CABIN1: variants seen among roughly 807,000 people sequenced by gnomAD.
CABIN1 encodes the protein calcineurin binding protein 1.
In CABIN1, 133 loss-of-function variants were observed where a neutral mutation model predicts 227.7. The observed-to-expected ratio is 0.58, with a 90% CI of 0.51 to 0.67. The LOEUF (loss-of-function observed/expected upper bound fraction) is 0.67. Among genes scored for constraint, CABIN1 ranks in the 30% least tolerant of loss-of-function variants. The pLI is 0.00. For synonymous variants in CABIN1, 1,086 were observed against 1,155.1 expected (o/e 0.94, Z 1.21); for missense variants, 2,408 against 2,852.5 (o/e 0.84, Z 3.55).
intron 3 of CABIN1, 46 bp from the exon 4 acceptor site, chr22:24,038,302 A>G: frequency 1.3e-6 from 2 of 1,513,696 alleles, no homozygotes; most frequent in Non-Finnish European, 1.8e-6. Context: ...CTTAAAAAAG[A>G]CAGATCTTTA....
chr22:24,147,378 T>G, intron 29 of CABIN1, among the ~76,000 whole-genome samples: 1 of 136,728 alleles, frequency 7.3e-6, no homozygotes, highest in Non-Finnish European at 1.6e-5. Flanking sequence ...CCTGCCTCCC[T>G]CCCTCCGTTC....
At chr22:24,033,178 A>G (rs2036615595) in intron 1 of CABIN1, among the ~76,000 whole-genome samples, 1 of 152,196 alleles carries the variant, frequency 6.6e-6, no homozygotes, top group Non-Finnish European at 1.5e-5. Flanking sequence ...AACAGCTATC[A>G]GTCTAGGAAA....
intron 31 of CABIN1, 69 bp from the exon 32 acceptor site, chr22:24,166,570 G>C: frequency 6.2e-7 from 1 of 1,603,326 alleles, no homozygotes; most frequent in Non-Finnish European, 8.5e-7. Flanking sequence ...GGGCTCACCA[G>C]CCCCCAGAGG....
chr22:24,120,533 TAC>T (rs2043347671), intron 28 of CABIN1, among the ~76,000 whole-genome samples: 1 of 152,090 alleles, frequency 6.6e-6, no homozygotes, highest in African/African-American at 2.4e-5. Context: ...CTTAAAAACA[TAC>T]AGATGGCCAG....
intron 29 of CABIN1, among the ~76,000 whole-genome samples, chr22:24,138,017 A>G (rs2044523466): frequency 2.0e-5 from 3 of 152,296 alleles, no homozygotes; most frequent in East Asian, 1.9e-4. Context: ...GACTGGGGAC[A>G]TCAGCACCCT....
intron 29 of CABIN1, among the ~76,000 whole-genome samples, chr22:24,148,690 C>T (rs942992842): frequency 2.0e-5 from 3 of 152,192 alleles, no homozygotes; most frequent in South Asian, 2.1e-4. Context: ...AGTCCTTTTT[C>T]CAAAAGAAGC....
chr22:24,161,857 T>C (rs2046174408), intron 29 of CABIN1, among the ~76,000 whole-genome samples: 1 of 152,094 alleles, frequency 6.6e-6, no homozygotes, highest in Non-Finnish European at 1.5e-5. Context: ...AAGCAGGGGC[T>C]GTCCCTTGTA....
intron 34 of CABIN1, 54 bp from the exon 35 acceptor site, chr22:24,176,057 G>A: frequency 6.4e-7 from 1 of 1,572,220 alleles, no homozygotes; most frequent in Non-Finnish European, 8.7e-7. Flanking sequence ...CAGATGCGTT[G>A]GAGCCTGCGG....
intron 9 of CABIN1, 100 bp from the exon 10 acceptor site, chr22:24,056,092 T>A: frequency 9.9e-7 from 1 of 1,011,788 alleles, no homozygotes; most frequent in Non-Finnish European, 1.5e-6. Context: ...AAGAGTTTAA[T>A]GCTAGTAGAT....
In CABIN1 at chr22:24,055,128, T is replaced by C; in HGVS notation, c.1062T>C (p.Ser354=). The C allele has an allele frequency of 2.5e-6, 4 of 1,613,524 alleles. No individual in the cohort carries two copies. Among genetic ancestry groups the C allele is most frequent in the Non-Finnish European group, 3.4e-6 (4 of 1,180,040 alleles). The change falls in exon 9 of 37, where the codon AGT becomes AGC. Residue 354 remains serine, a synonymous_variant. Transcript: ENST00000263119. ...CTACAACCAGCTTCCCACTGCACAGTCCTGGTCTGTTGGAGACAGGCGCTC... is the reference window on the plus strand; with the variant it reads ...CTACAACCAGCTTCCCACTGCACAGCCCTGGTCTGTTGGAGACAGGCGCTC... ...SVATTSFPLH[S]PGLLETGAPV...
chr22:24,163,224 G>A (rs557637360), intron 29 of CABIN1, among the ~76,000 whole-genome samples: 7 of 152,296 alleles, frequency 4.6e-5, no homozygotes, highest in African/African-American at 1.7e-4. Context: ...AGGAGCCAGT[G>A]TAGAGGCCAC....
intron 1 of CABIN1, among the ~76,000 whole-genome samples, chr22:24,011,905 A>G (rs189097230): frequency 1.9e-3 from 287 of 152,356 alleles, no homozygotes; most frequent in Admixed American, 4.5e-3. Context: ...CTCACCTGGC[A>G]TTCCCAAGGT....
rs376323932 is a variant in CABIN1 at position 24,064,203 on chromosome 22, C to CGTTT, written c.2037+29_2037+32dup. ...CCTGGAGGAGGTAAGTGAGAATTTT[C>CGTTT]GTTTGTTTGTTTGTTTCCTGAGATG... is the stretch of plus-strand genomic sequence containing the variant. On this transcript the variant is annotated intron_variant, in intron 15 of 36. Coordinates refer to ENST00000263119, the MANE Select transcript of CABIN1 (RefSeq NM_012295.4). The CGTTT allele has an allele frequency of 1.6e-4, 265 of 1,613,958 alleles. No individual in the cohort carries two copies. In the Middle Eastern group the frequency reaches 1.6e-3, roughly 10 times the overall value.
chr22:24,157,255 G>A (rs1428822253), intron 29 of CABIN1, among the ~76,000 whole-genome samples: 1 of 152,174 alleles, frequency 6.6e-6, no homozygotes, highest in Non-Finnish European at 1.5e-5. Context: ...GAACAGGACT[G>A]CGGGAGGGGC....
chr22:24,098,777 T>C (rs913316611), intron 26 of CABIN1, among the ~76,000 whole-genome samples: 6 of 152,238 alleles, frequency 3.9e-5, no homozygotes, highest in Admixed American at 2.6e-4. Context: ...GCTTGCATGC[T>C]GGCCTGTAGC....
intron 26 of CABIN1, among the ~76,000 whole-genome samples, chr22:24,108,777 T>G (rs920624158): frequency 6.6e-6 from 1 of 152,216 alleles, no homozygotes; most frequent in Non-Finnish European, 1.5e-5. Context: ...GTGCAGGCCA[T>G]CCCACTTTGA....
At chr22:24,031,281 A>AG (rs1224432925) in intron 1 of CABIN1, among the ~76,000 whole-genome samples, 5 of 152,132 alleles carry the variant, frequency 3.3e-5, no homozygotes, top group Admixed American at 6.5e-5. Context: ...GTGGGGTGGC[A>AG]GGGGGCAGGA....
intron 34 of CABIN1, chr22:24,173,055 T>C (rs1296960399): frequency 6.6e-6 from 1 of 152,174 alleles, no homozygotes; most frequent in Non-Finnish European, 1.5e-5. Context: ...GATGGACCAG[T>C]TTCCCCAACC....
intron 1 of CABIN1, among the ~76,000 whole-genome samples, chr22:24,013,080 T>A (rs73163687): frequency 0.018 from 2,654 of 151,464 alleles, 32 homozygotes; most frequent in Non-Finnish European, 0.028. Context: ...TTTTTTTTTT[T>A]AAAAGCTCCT....
Sources: gnomAD v4.1 joint callset for allele counts (sites outside exome capture counted in the v4.1 genomes callset) on GRCh38, gnomAD v4.1.1 for gene constraint, MANE v1.5 for transcripts, NCBI Gene and HGNC (gene_info 2026-07-23, HGNC 2026-07-21) for gene names.